Variants in SOX5 observed in about 807,000 individuals in gnomAD.
The protein encoded by SOX5 is transcription factor SOX-5.
Under a neutral mutation model 92.0 loss-of-function variants are expected in SOX5, and 9 were observed. That is an observed-to-expected ratio of 0.10 (90% confidence interval 0.06 to 0.17). SOX5 has a LOEUF of 0.17. SOX5 is among the 10% of genes least tolerant of loss of function. The pLI, the probability that SOX5 is intolerant of heterozygous loss-of-function variation, is 1.00. For missense variants in SOX5, 642 were observed against 944.5 expected (o/e 0.68, Z 4.20); for synonymous variants, 344 against 336.3 (o/e 1.02, Z -0.25).
chr12:23,615,412 CA>C (rs1424003416), intron 8 of SOX5, among the ~76,000 whole-genome samples: 2 of 151,972 alleles, frequency 1.3e-5, no homozygotes, highest in African/African-American at 2.4e-5. Context: ...AAACTTGTGT[CA>C]GGGGAATTGT....
At chr12:24,185,102 C>T (rs539413580) in intron 4 of SOX5, among the ~76,000 whole-genome samples, 16 of 152,216 alleles carry the variant, frequency 1.1e-4, no homozygotes, top group African/African-American at 3.9e-4. Flanking sequence ...CTCTGAAACA[C>T]ATTTTCTCAC....
At chr12:23,896,156 C>A in intron 1 of SOX5, 132 bp from the exon 2 acceptor site, 1 of 646,194 alleles carries the variant, frequency 1.5e-6, no homozygotes, top group Non-Finnish European at 2.7e-6. Context: ...CATCCAAATA[C>A]CACTGCAAAG....
chr12:24,094,764 C>G (rs549888295), intron 4 of SOX5, among the ~76,000 whole-genome samples: 3 of 152,244 alleles, frequency 2.0e-5, no homozygotes, highest in African/African-American at 7.2e-5. Context: ...GCCACCATTG[C>G]CACACATCTT....
rs1205098112 is a variant in SOX5 at position 23,806,975 on chromosome 12, C to T, written c.481+39008G>A. Among the ~76,000 whole-genome samples the T allele has an allele frequency of 3.9e-5, 6 of 152,204 alleles. No individual in the cohort carries two copies. The East Asian group carries it at 1.2e-3, about 29-fold the overall frequency. Reference sequence around the variant, plus strand: ...CTTTCAGCATGATTTCTAACCTTTTCTCCACTTTCAGATATCTACCCAGAG... The same window carrying T: ...CTTTCAGCATGATTTCTAACCTTTTTTCCACTTTCAGATATCTACCCAGAG... On this transcript the variant is annotated intron_variant, in intron 3 of 14. Coordinates refer to ENST00000451604, the MANE Select transcript of SOX5 (RefSeq NM_006940.6).
At chr12:23,850,421 C>CT (rs1360938132) in intron 2 of SOX5, among the ~76,000 whole-genome samples, 1 of 134,488 alleles carries the variant, frequency 7.4e-6, no homozygotes, top group Non-Finnish European at 1.5e-5. Flanking sequence ...GAGTGAGACT[C>CT]TGTCTACAAA....
chr12:24,443,274 A>C (rs898977767), intron 1 of SOX5, among the ~76,000 whole-genome samples: 22 of 152,112 alleles, frequency 1.4e-4, no homozygotes, highest in African/African-American at 4.8e-4. Flanking sequence ...TATTTTTAAA[A>C]CACTTTTTGG....
intron 2 of SOX5, among the ~76,000 whole-genome samples, chr12:23,856,432 A>G (rs1193011946): frequency 6.6e-6 from 1 of 152,134 alleles, no homozygotes; most frequent in Non-Finnish European, 1.5e-5. Flanking sequence ...CACTGTTGCA[A>G]ATGTTCTATG....
At chr12:23,953,071 T>C (rs949978816), upstream of SOX5, among the ~76,000 whole-genome samples, 10 of 152,160 alleles carry the variant, frequency 6.6e-5, no homozygotes, top group Admixed American at 2.0e-4. Flanking sequence ...CTGTATATGA[T>C]GGTTTAATTG....
intron 2 of SOX5, among the ~76,000 whole-genome samples, chr12:24,359,540 TC>T (rs915631861): frequency 6.6e-6 from 1 of 152,158 alleles, no homozygotes; most frequent in African/African-American, 2.4e-5. Context: ...TTCTTCTTGC[TC>T]CCCCTTAGCC....
chr12:23,803,500 T>C lies in SOX5; in HGVS notation c.481+42483A>G, dbSNP rs771169552. ...TGTAAAGCCAAAAACCCCATTTAGC[T>C]CTTGATTTTTCCCTATTCTGATAGC... On this transcript the variant is annotated intron_variant, in intron 3 of 14. Coordinates refer to ENST00000451604, the MANE Select transcript of SOX5 (RefSeq NM_006940.6). 5.3e-5 allele frequency among the ~76,000 whole-genome samples: 8 copies of C among 152,198 alleles called. No individual in the cohort carries two copies. In the East Asian group the frequency reaches 7.7e-4, roughly 15 times the overall value.
intron 4 of SOX5, among the ~76,000 whole-genome samples, chr12:24,017,558 C>T (rs1351556815): frequency 6.6e-6 from 1 of 151,938 alleles, no homozygotes; most frequent in Admixed American, 6.6e-5. Context: ...CAAGATCGCG[C>T]CCCTGCACTC....
chr12:24,467,251 A>G (rs73289636), intron 1 of SOX5, among the ~76,000 whole-genome samples: 8,854 of 152,286 alleles, frequency 0.058, 305 homozygotes, highest in African/African-American at 0.092. Flanking sequence ...GCTCTGTGTC[A>G]ATCCCTGTGA....
At chr12:24,445,447 T>A (rs1941328590) in intron 1 of SOX5, among the ~76,000 whole-genome samples, 1 of 151,878 alleles carries the variant, frequency 6.6e-6, no homozygotes, top group East Asian at 1.9e-4. Context: ...GAGTCTAAAG[T>A]GGATTATTAG....
At chr12:23,745,671 A>G in intron 4 of SOX5, among the ~76,000 whole-genome samples, 1 of 152,180 alleles carries the variant, frequency 6.6e-6, no homozygotes, top group East Asian at 1.9e-4. Flanking sequence ...CTAAACATTC[A>G]TTCTTCATGC....
At chr12:24,092,407 T>C (rs906385413) in intron 4 of SOX5, among the ~76,000 whole-genome samples, 6 of 152,212 alleles carry the variant, frequency 3.9e-5, no homozygotes, top group Admixed American at 3.3e-4. Context: ...AAGCAGAACA[T>C]TATTCTTCTT....
intron 8 of SOX5, among the ~76,000 whole-genome samples, chr12:23,623,804 A>T (rs1032802483): frequency 2.6e-5 from 4 of 152,168 alleles, no homozygotes; most frequent in African/African-American, 9.6e-5. Context: ...ACATACAATT[A>T]CCACATGATC....
At chr12:23,553,114 A>G (rs1162622190) in intron 11 of SOX5, among the ~76,000 whole-genome samples, 1 of 152,060 alleles carries the variant, frequency 6.6e-6, no homozygotes, top group Non-Finnish European at 1.5e-5. Flanking sequence ...AAAATCATTA[A>G]TAAGTTTCAA....
intron 9 of SOX5, 72 bp downstream of exon 9, chr12:23,604,315 A>C: frequency 1.3e-6 from 2 of 1,526,534 alleles, no homozygotes; most frequent in Non-Finnish European, 1.8e-6. Flanking sequence ...GGCATACAAT[A>C]GACATTTAAT....
At chr12:23,602,105 G>A (rs1394530466) in intron 9 of SOX5, among the ~76,000 whole-genome samples, 1 of 152,040 alleles carries the variant, frequency 6.6e-6, no homozygotes, top group African/African-American at 2.4e-5. Flanking sequence ...CTTTCAAAAA[G>A]TCATTGAATT....
Sources: gnomAD v4.1 joint callset for allele counts (sites outside exome capture counted in the v4.1 genomes callset) on GRCh38, gnomAD v4.1.1 for gene constraint, MANE v1.5 for transcripts, NCBI Gene and HGNC (gene_info 2026-07-23, HGNC 2026-07-21) for gene names.